CXXC4: variants seen among roughly 807,000 people sequenced by gnomAD.
The protein encoded by CXXC4 is CXXC-type zinc finger protein 4.
Under a neutral mutation model 20.5 loss-of-function variants are expected in CXXC4, and 5 were observed. The observed-to-expected ratio is 0.24, with a 90% CI of 0.13 to 0.51. The LOEUF is 0.51. Among genes scored for constraint, CXXC4 ranks in the 20% least tolerant of loss-of-function variants. CXXC4 has a pLI of 0.97. For synonymous variants in CXXC4, 250 were observed against 216.4 expected, an observed-to-expected ratio of 1.16 and a Z score of -1.36; for missense variants, 419 against 496.4, an observed-to-expected ratio of 0.84 and a Z score of 1.48.
intron 2 of CXXC4, among the ~76,000 whole-genome samples, chr4:104,478,401 T>A (rs951987146): frequency 5.9e-5 from 9 of 152,198 alleles, no homozygotes; most frequent in Admixed American, 1.3e-4. Flanking sequence ...CAAAGGAGAA[T>A]GTGTGTACAC....
intron 2 of CXXC4, 136 bp downstream of exon 2, chr4:104,490,608 C>T: frequency 1.2e-6 from 1 of 836,128 alleles, no homozygotes; most frequent in Non-Finnish European, 1.9e-6. Context: ...TCGCAAACCA[C>T]CTACAACTCT....
chr4:104,481,419 G>T (rs918355717), intron 2 of CXXC4, among the ~76,000 whole-genome samples: 1 of 152,066 alleles, frequency 6.6e-6, no homozygotes, highest in Non-Finnish European at 1.5e-5. Context: ...TGTAATTGCA[G>T]CTGCTTGGGA....
At chr4:104,486,516 A>T (rs1736698937) in intron 2 of CXXC4, among the ~76,000 whole-genome samples, 1 of 151,994 alleles carries the variant, frequency 6.6e-6, no homozygotes, top group Non-Finnish European at 1.5e-5. Flanking sequence ...TTTTGTTTAA[A>T]TTTTATTGAA....
At chr4:104,474,462 A>G (rs78311040) in intron 2 of CXXC4, among the ~76,000 whole-genome samples, 1,734 of 152,136 alleles carry the variant, frequency 0.011, 21 homozygotes, top group Middle Eastern at 0.024. Flanking sequence ...TTATACACAC[A>G]CAAAAGCAAT....
At position 104,470,377 on chromosome 4, in the gene CXXC4, T is replaced by G. The variant is rs1736237655; in HGVS notation, c.*1945A>C. 1 of 152,064 alleles carries G rather than the reference T, an allele frequency of 6.6e-6. No homozygotes were observed. The highest frequency in any genetic ancestry group is 2.1e-4 in the South Asian group (1 of 4,832). 9.4% of individuals were successfully genotyped at this position (152,064 alleles called of 1,614,324 possible). ...CATCATGAGTTTTTCTTGAAAACGC[T>G]TGTTGACCATAACTGTGGACCATGT... is the stretch of plus-strand genomic sequence containing the variant. On this transcript the variant is annotated 3_prime_UTR_variant, in exon 3 of 3. Transcript: ENST00000394767.
rs141779912 is a variant in CXXC4 at position 104,472,427 on chromosome 4, T to C, written c.1060-61A>G. ...CTTTCTATGCCAATATAAAATTAGA[T>C]TTTTCTCCTTTACACTTCAGCAATA... On this transcript the variant is annotated intron_variant, in intron 2 of 2. Transcript: ENST00000394767. The C allele has an allele frequency of 1.0e-4, 130 of 1,246,884 alleles. No homozygotes were observed. The African/African-American group carries it at 1.7e-3, about 17-fold the overall frequency. 77.2% of individuals were successfully genotyped at this position (1,246,884 alleles called of 1,614,324 possible).
At chr4:104,479,595 T>C (rs1736502707) in intron 2 of CXXC4, among the ~76,000 whole-genome samples, 1 of 152,202 alleles carries the variant, frequency 6.6e-6, no homozygotes, top group South Asian at 2.1e-4. Flanking sequence ...TTTATGTTTA[T>C]GAACTACTGA....
At chr4:104,492,879 T>C (rs1418030075) in intron 1 of CXXC4, among the ~76,000 whole-genome samples, 2 of 152,122 alleles carry the variant, frequency 1.3e-5, no homozygotes, top group African/African-American at 4.8e-5. Flanking sequence ...TATATACATA[T>C]TTATTTATAT....
Position 104,491,420 on chromosome 4 carries a change from C to T in CXXC4, c.383G>A (p.Gly128Asp). 7.5e-6 allele frequency: 8 copies of T among 1,070,154 alleles called. No homozygotes were observed. The highest frequency in any genetic ancestry group is 8.2e-6 in the Non-Finnish European group (7 of 852,848). The allele number at this position is 1,070,154 out of a possible 1,614,324, so 66.3% of individuals were successfully genotyped here. ...GGGGGGGGGG[G>D]GGGGGGRKSS... ...TTTCCTGCCGCCCCCACCACCCCCG[C>T]CCCCGCCTCCGCCGCCGCCGCCGCC... Residue 128 changes from glycine (G) to aspartate (D), a missense_variant, in exon 2 of 3, where the codon GGC (glycine) becomes GAC (aspartate). Physicochemically the swap from Gly to Asp is moderately conservative, Grantham distance 94 (BLOSUM62 -1). Around this residue, in one of 3 missense-constraint regions of CXXC4, gnomAD observed 388 missense variants for 416.0 expected, o/e 0.93. Transcript: ENST00000394767.
intron 2 of CXXC4, 123 bp downstream of exon 2, chr4:104,490,621 C>G (rs551805854): frequency 2.2e-6 from 2 of 924,196 alleles, no homozygotes; most frequent in East Asian, 2.4e-5. Context: ...ACAACTCTTA[C>G]CACCTGAATG....
chr4:104,491,752 G>A lies in CXXC4; in HGVS notation c.51C>T (p.Gly17=), dbSNP rs1372740455. The change falls in exon 2 of 3, where the codon GGC becomes GGT. Residue 17 remains glycine, a synonymous_variant. Coordinates refer to ENST00000394767, the MANE Select transcript of CXXC4 (RefSeq NM_025212.4). ...VEPGPSPEAP[G]LPKESHLPEG... ...CGGGCAAGTGGCTTTCCTTGGGCAA[G>A]CCCGGGGCCTCCGGGCTCGGCCCGG... 4 of 1,536,702 alleles carry A rather than the reference G, an allele frequency of 2.6e-6. No individual in the cohort carries two copies. The East Asian group carries it at 7.6e-5, about 29-fold the overall frequency.
chr4:104,474,556 T>A (rs981860094), intron 2 of CXXC4, among the ~76,000 whole-genome samples: 3 of 152,022 alleles, frequency 2.0e-5, no homozygotes, highest in African/African-American at 7.2e-5. Flanking sequence ...GTATGCACAC[T>A]TATATAAATG....
At chr4:104,492,818 TCTA>T (rs1209788068) in intron 1 of CXXC4, among the ~76,000 whole-genome samples, 1 of 152,028 alleles carries the variant, frequency 6.6e-6, no homozygotes, top group Non-Finnish European at 1.5e-5. Context: ...AGGGTGGTGT[TCTA>T]CTTGATTTTT....
rs1736254051 is a variant in CXXC4, at chr4:104,470,848, T to C, written c.*1474A>G. The C allele has an allele frequency of 6.6e-6, 1 of 152,042 alleles. No homozygotes were observed. Among genetic ancestry groups the C allele is most frequent in the Non-Finnish European group, 1.5e-5 (1 of 67,998 alleles). The allele number at this position is 152,042 out of a possible 1,614,324, so 9.4% of individuals were successfully genotyped here. The stretch of plus-strand genomic sequence containing the variant: ...AAACAGAAATAAAATGGAAGGTAAA[T>C]ATTTGTCCTGATGGGACGGCCTTAA... On this transcript the variant is annotated 3_prime_UTR_variant, in exon 3 of 3. Coordinates refer to ENST00000394767, the MANE Select transcript of CXXC4 (RefSeq NM_025212.4).
In CXXC4 at chr4:104,491,355, A is replaced by AGGAGGAGGAGGC. The variant is rs746850358; in HGVS notation, c.436_447dup (p.Ala146_Ser149dup). 7.0e-5 allele frequency: 106 copies of AGGAGGAGGAGGC among 1,505,646 alleles called. No individual in the cohort carries two copies. The highest frequency in any genetic ancestry group is 8.8e-5 in the South Asian group (7 of 79,284). The allele number at this position is 1,505,646 out of a possible 1,614,324, so 93.3% of individuals were successfully genotyped here. On this transcript the variant is annotated inframe_insertion, in exon 2 of 3. Transcript: ENST00000394767. ...CCACCGCCGGCGGGGAGGATCGCCG[A>AGGAGGAGGAGGC]GGAGGAGGAGGCGGAGGAGGAGGCG...
In CXXC4 at chr4:104,472,319, G is replaced by T; in HGVS notation, c.*3C>A. On this transcript the variant is annotated 3_prime_UTR_variant, in exon 3 of 3. Coordinates refer to ENST00000394767, the MANE Select transcript of CXXC4 (RefSeq NM_025212.4). Reference sequence around the variant, plus strand: ...TGCCTTGAAAATAAGATATACTACTGCTTTAAAAGAACCATCGGAATGCTT... The same window carrying T: ...TGCCTTGAAAATAAGATATACTACTTCTTTAAAAGAACCATCGGAATGCTT... 1 of 1,596,884 alleles carries T rather than the reference G, an allele frequency of 6.3e-7. No homozygotes were observed. The highest frequency in any genetic ancestry group is 8.6e-7 in the Non-Finnish European group (1 of 1,169,106).
rs1176625319 is a variant in CXXC4 at position 104,471,833 on chromosome 4, C to T, written c.*489G>A. 6.6e-6 allele frequency: 1 copy of T among 152,092 alleles called. No individual in the cohort carries two copies. The highest frequency in any genetic ancestry group is 1.5e-5 in the Non-Finnish European group (1 of 68,008). 9.4% of individuals were successfully genotyped at this position (152,092 alleles called of 1,614,324 possible). A position where few individuals can be genotyped will look rare whatever the true frequency, so the allele number is the denominator to read the frequency against. ...ATTGCTCCAGATTTAACTTGCAGAA[C>T]CATACTGTTGTGTACAAACTGTTAA... On this transcript the variant is annotated 3_prime_UTR_variant, in exon 3 of 3. Transcript: ENST00000394767.
At chr4:104,489,492 T>G (rs1484559601) in intron 2 of CXXC4, among the ~76,000 whole-genome samples, 2 of 152,174 alleles carry the variant, frequency 1.3e-5, no homozygotes, top group Non-Finnish European at 2.9e-5. Context: ...CAGATAACCC[T>G]AAGATAACTT....
In CXXC4 at chr4:104,491,281, G is replaced by T; in HGVS notation, c.522C>A (p.Asn174Lys). ...CAGCTTTCCCCAGCCTCTGGGAGTC[G>T]TTTCGGTGGTGCATGCTGGTCCTGC... ...GGSRTSMHHR[N>K]DSQRLGKAGC... Residue 174 changes from asparagine (N) to lysine (K), a missense_variant, in exon 2 of 3, where the codon AAC (asparagine) becomes AAA (lysine). Transcript: ENST00000394767. The T allele has an allele frequency of 6.2e-7, 1 of 1,611,730 alleles. No homozygotes were observed. Among genetic ancestry groups the T allele is most frequent in the Non-Finnish European group, 8.5e-7 (1 of 1,179,622 alleles).
Sources: gnomAD v4.1 joint callset for allele counts (sites outside exome capture counted in the v4.1 genomes callset) on GRCh38, gnomAD v4.1.1 for gene constraint, gnomAD v4.1.1 regional missense constraint, MANE v1.5 for transcripts, NCBI Gene and HGNC (gene_info 2026-07-23, HGNC 2026-07-21) for gene names.